SLC25A13: variants seen among roughly 807,000 people sequenced by gnomAD.
SLC25A13 encodes the protein solute carrier family 25 member 13, also known as electrogenic aspartate/glutamate antiporter SLC25A13, mitochondrial.
A neutral mutation model predicts 85.5 loss-of-function variants in SLC25A13; 70 were observed. The observed-to-expected ratio is 0.82, with a 90% confidence interval of 0.68 to 1.00. SLC25A13 has a LOEUF of 1.00. SLC25A13 is among the 50% of genes least tolerant of loss of function. The probability of loss-of-function intolerance (pLI) is 0.00; values close to 1 mark genes in which losing one functional copy is unlikely to be tolerated. For missense variants in SLC25A13, 765 were observed against 819.8 expected (o/e 0.93, Z 0.82); for synonymous variants, 259 against 288.7 (o/e 0.90, Z 1.04).
intron 3 of SLC25A13, among the ~76,000 whole-genome samples, chr7:96,269,258 C>T (rs577318332): frequency 1.3e-5 from 2 of 152,312 alleles, no homozygotes; most frequent in East Asian, 1.9e-4. Flanking sequence ...CCAAGGCACT[C>T]ATGCATCATT....
intron 1 of SLC25A13, among the ~76,000 whole-genome samples, chr7:96,297,229 A>C (rs577532661): frequency 7.9e-5 from 12 of 152,350 alleles, no homozygotes; most frequent in African/African-American, 2.9e-4. Context: ...GAAAAGGTGA[A>C]ACATTGCAAA....
At chr7:96,153,387 AC>A (rs1295461501) in intron 13 of SLC25A13, among the ~76,000 whole-genome samples, 1 of 152,244 alleles carries the variant, frequency 6.6e-6, no homozygotes, top group African/African-American at 2.4e-5. Context: ...GATCTGTAAC[AC>A]AGAAGAGAAG....
intron 13 of SLC25A13, among the ~76,000 whole-genome samples, chr7:96,153,521 C>G (rs949528359): frequency 1.3e-5 from 2 of 152,214 alleles, no homozygotes; most frequent in Non-Finnish European, 2.9e-5. Flanking sequence ...GGCTGCACAT[C>G]TGCACTGGGC....
intron 15 of SLC25A13, among the ~76,000 whole-genome samples, chr7:96,124,467 C>T (rs1338498666): frequency 1.3e-5 from 2 of 152,114 alleles, no homozygotes; most frequent in Non-Finnish European, 2.9e-5. Flanking sequence ...ATTGATATTA[C>T]ATAGAAATTG....
At chr7:96,313,900 C>G (rs1389519389) in intron 1 of SLC25A13, among the ~76,000 whole-genome samples, 1 of 152,086 alleles carries the variant, frequency 6.6e-6, no homozygotes. Flanking sequence ...AGTGCTGGAC[C>G]TACATATACC....
intron 3 of SLC25A13, among the ~76,000 whole-genome samples, chr7:96,235,405 T>C (rs372665981): frequency 2.7e-3 from 405 of 152,290 alleles, no homozygotes; most frequent in Non-Finnish European, 4.6e-3. Flanking sequence ...GGAATACAGA[T>C]AAATGATACA....
chr7:96,318,308 A>G (rs1425376586), intron 1 of SLC25A13, among the ~76,000 whole-genome samples: 1 of 152,210 alleles, frequency 6.6e-6, no homozygotes, highest in Non-Finnish European at 1.5e-5. Flanking sequence ...CGAAGAAGAA[A>G]GCTCTCCTTT....
intron 14 of SLC25A13, among the ~76,000 whole-genome samples, chr7:96,137,220 G>T (rs1792325825): frequency 6.6e-6 from 1 of 152,182 alleles, no homozygotes; most frequent in Non-Finnish European, 1.5e-5. Context: ...ATGGTGCCAA[G>T]ACCTATTATG....
intron 13 of SLC25A13, among the ~76,000 whole-genome samples, chr7:96,164,604 C>T (rs1332289551): frequency 1.3e-5 from 2 of 152,030 alleles, no homozygotes; most frequent in East Asian, 3.9e-4. Flanking sequence ...GGCCTTGGGA[C>T]CCCAAACCGA....
At chr7:96,207,142 TCA>T (rs1467620423) in intron 5 of SLC25A13, among the ~76,000 whole-genome samples, 1 of 152,188 alleles carries the variant, frequency 6.6e-6, no homozygotes, top group Non-Finnish European at 1.5e-5. Flanking sequence ...AAACAGGGAT[TCA>T]CAGACATTAA....
In SLC25A13 at chr7:96,120,969, A is replaced by C; in HGVS notation, c.*222T>G. 1 of 664,184 alleles carries C rather than the reference A, an allele frequency of 1.5e-6. No individual in the cohort carries two copies. The highest frequency in any genetic ancestry group is 3.0e-5 in the East Asian group (1 of 32,948). The allele number at this position is 664,184 out of a possible 1,614,324, so 41.1% of individuals were successfully genotyped here. A position where few individuals can be genotyped will look rare whatever the true frequency, so the allele number is the denominator to read the frequency against. Reference sequence around the variant, plus strand: ...CCCATCAATTTTCAGATGCAAACAAAGGTTTCTGGGCAGAGGGCCAAATAA... The same window carrying C: ...CCCATCAATTTTCAGATGCAAACAACGGTTTCTGGGCAGAGGGCCAAATAA... On this transcript the variant is annotated 3_prime_UTR_variant, in exon 18 of 18. Coordinates refer to ENST00000265631, the MANE Select transcript of SLC25A13 (RefSeq NM_014251.3).
At chr7:96,145,663 T>C (rs1164073691) in intron 14 of SLC25A13, among the ~76,000 whole-genome samples, 1 of 152,142 alleles carries the variant, frequency 6.6e-6, no homozygotes, top group African/African-American at 2.4e-5. Context: ...ATTACAAAGC[T>C]TGGGATAAAA....
chr7:96,253,366 A>T (rs1797508306), intron 3 of SLC25A13, among the ~76,000 whole-genome samples: 1 of 152,146 alleles, frequency 6.6e-6, no homozygotes, highest in Non-Finnish European at 1.5e-5. Context: ...TTGAGAAGGG[A>T]AAGCTAACTA....
At chr7:96,302,843 A>T (rs1386020508) in intron 1 of SLC25A13, among the ~76,000 whole-genome samples, 2 of 152,184 alleles carry the variant, frequency 1.3e-5, no homozygotes, top group Non-Finnish European at 2.9e-5. Context: ...AGAATCAGAA[A>T]CTGGGTGAGG....
At chr7:96,314,533 C>G (rs1800062679) in intron 1 of SLC25A13, among the ~76,000 whole-genome samples, 1 of 152,108 alleles carries the variant, frequency 6.6e-6, no homozygotes, top group African/African-American at 2.4e-5. Context: ...TCACACATTC[C>G]TCTGTTGCAA....
At chr7:96,313,993 T>G (rs894998062) in intron 1 of SLC25A13, among the ~76,000 whole-genome samples, 1 of 152,122 alleles carries the variant, frequency 6.6e-6, no homozygotes, top group Non-Finnish European at 1.5e-5. Context: ...TTTTGAAGAT[T>G]AGGGTAAAGT....
intron 3 of SLC25A13, among the ~76,000 whole-genome samples, chr7:96,274,468 C>G (rs145888666): frequency 0.04 from 6,039 of 152,212 alleles, 171 homozygotes; most frequent in Admixed American, 0.086. Flanking sequence ...TGCCTGTTCA[C>G]TCTGATGGTA....
chr7:96,307,766 A>C (rs1421169946), intron 1 of SLC25A13, among the ~76,000 whole-genome samples: 1 of 152,178 alleles, frequency 6.6e-6, no homozygotes, highest in Non-Finnish European at 1.5e-5. Context: ...TCAAGGACTA[A>C]GTCAAATGCC....
intron 1 of SLC25A13, among the ~76,000 whole-genome samples, chr7:96,305,063 G>A (rs955251579): frequency 3.9e-5 from 6 of 152,086 alleles, no homozygotes; most frequent in African/African-American, 1.4e-4. Flanking sequence ...TTATGCTAAT[G>A]GCTTTTTATC....
Sources: gnomAD v4.1 joint callset for allele counts (sites outside exome capture counted in the v4.1 genomes callset) on GRCh38, gnomAD v4.1.1 for gene constraint, MANE v1.5 for transcripts, NCBI Gene and HGNC (gene_info 2026-07-23, HGNC 2026-07-21) for gene names.